RIF1: variants seen among roughly 807,000 people sequenced by gnomAD.
The protein encoded by RIF1 is replication timing regulatory factor 1.
A neutral mutation model predicts 247.1 loss-of-function variants in RIF1; 45 were observed. That is an observed-to-expected ratio of 0.18 (90% CI 0.14 to 0.23). The LOEUF (loss-of-function observed/expected upper bound fraction) is 0.23, where lower values mean the gene tolerates loss of function less well. Ranked by LOEUF, RIF1 falls within the 10% of genes least tolerant of loss-of-function variation. RIF1 has a pLI of 1.00. For synonymous variants in RIF1, 1,087 were observed against 978.8 expected (o/e 1.11, Z -2.06); for missense variants, 2,967 against 2,862.5 (o/e 1.04, Z -0.83).
At chr2:151,436,231 A>C (rs1243595544) in intron 11 of RIF1, among the ~76,000 whole-genome samples, 1 of 151,984 alleles carries the variant, frequency 6.6e-6, no homozygotes, top group Non-Finnish European at 1.5e-5. Context: ...GTCTCAAAAA[A>C]AACAAAATAA....
At chr2:151,410,864 G>GCGT (rs1686051855) in intron 2 of RIF1, among the ~76,000 whole-genome samples, 1 of 86,266 alleles carries the variant, frequency 1.2e-5, no homozygotes, top group African/African-American at 3.8e-5. Flanking sequence ...TGGCTACCCA[G>GCGT]AGTTTTTTTA....
At chr2:151,515,265 C>T in the RIF1 span, among the ~76,000 whole-genome samples, 1 of 152,192 alleles carries the variant, frequency 6.6e-6, no homozygotes, top group African/African-American at 2.4e-5. Flanking sequence ...CCACACCTTT[C>T]TTAAGGTGAC....
chr2:151,485,891 C>G (rs993833092), downstream of RIF1: 2 of 1,613,956 alleles, frequency 1.2e-6, no homozygotes, highest in African/African-American at 1.3e-5. Flanking sequence ...GACACCTCAT[C>G]TGCATCAGCA....
In RIF1 at chr2:151,454,943, G is replaced by A. The variant is rs770036387; in HGVS notation, c.2393G>A (p.Gly798Glu). The A allele has an allele frequency of 6.2e-7, 1 of 1,612,398 alleles. No homozygotes were observed. The highest frequency in any genetic ancestry group is 2.2e-5 in the East Asian group (1 of 44,798). Reference sequence around the variant, plus strand: ...TCCAAAAAGAAGAATGAGCCCCTAGGGAAATTGACTTCTTTATTTAAACTT... The same window carrying A: ...TCCAAAAAGAAGAATGAGCCCCTAGAGAAATTGACTTCTTTATTTAAACTT... ...DWSKKKNEPL[G>E]KLTSLFKLIV... The change falls in exon 22 of 36, where the codon GGG (glycine) becomes GAG (glutamate). Residue 798 changes from glycine (G) to glutamate (E), a missense_variant. Gly to Glu is a moderately conservative substitution (Grantham distance 98). Around this residue, in one of 7 missense-constraint regions of RIF1, gnomAD observed 2,028 missense variants for 1,825.6 expected, o/e 1.11. Coordinates refer to ENST00000444746, the MANE Select transcript of RIF1 (RefSeq NM_018151.5).
chr2:151,469,327 A>G (rs1387573551), intron 33 of RIF1, among the ~76,000 whole-genome samples: 2 of 152,194 alleles, frequency 1.3e-5, no homozygotes, highest in Non-Finnish European at 2.9e-5. Context: ...CTGTCGTAGC[A>G]TAATCCCCAA....
At position 151,441,900 on chromosome 2, in the gene RIF1, CA is replaced by C; in HGVS notation, c.1648-4del. Reference sequence around the variant, plus strand: ...ATTTACTGTAAAACCTTTTATCTCTCATAGGTCCTCATGGAAATTACAATTA... The same window carrying C: ...ATTTACTGTAAAACCTTTTATCTCTCTAGGTCCTCATGGAAATTACAATTA... On this transcript the variant is annotated splice_polypyrimidine_tract_variant and splice_region_variant and intron_variant, in intron 15 of 35. Transcript: ENST00000444746. 1 of 1,438,696 alleles carries C rather than the reference CA, an allele frequency of 7.0e-7. No individual in the cohort carries two copies. Among genetic ancestry groups the C allele is most frequent in the Non-Finnish European group, 9.6e-7 (1 of 1,036,828 alleles). 89.1% of individuals were successfully genotyped at this position (1,438,696 alleles called of 1,614,324 possible).
At position 151,478,601 on chromosome 2, in the gene RIF1, G is replaced by GT. The variant is rs1024889325; in HGVS notation, c.*3531dup. The GT allele has an allele frequency of 1.3e-5, 2 of 152,080 alleles. No homozygotes were observed. Among genetic ancestry groups the GT allele is most frequent in the Admixed American group, 6.6e-5 (1 of 15,264 alleles). 9.4% of individuals were successfully genotyped at this position (152,080 alleles called of 1,614,324 possible). ...ATCATAAAAATGTGAAGAGTAAGTGGTGAGGCAAGAAACAAAATTGGGGGA... is the reference window on the plus strand; with the variant it reads ...ATCATAAAAATGTGAAGAGTAAGTGGTTGAGGCAAGAAACAAAATTGGGGGA... On this transcript the variant is annotated 3_prime_UTR_variant, in exon 36 of 36. Transcript: ENST00000444746.
chr2:151,455,466 C>G (rs1695029409), intron 22 of RIF1, among the ~76,000 whole-genome samples: 3 of 152,110 alleles, frequency 2.0e-5, no homozygotes, highest in Non-Finnish European at 2.9e-5. Flanking sequence ...ACTTGGCATG[C>G]TGTTTTGCAA....
chr2:151,490,733 G>A (rs2055795597), intron 9 of RIF1, among the ~76,000 whole-genome samples: 1 of 152,206 alleles, frequency 6.6e-6, no homozygotes, highest in South Asian at 2.1e-4. Context: ...TCATGGAACA[G>A]TTAAGTTGTA....
chr2:151,504,680 A>G (rs1311690808), intron 12 of RIF1, among the ~76,000 whole-genome samples: 1 of 152,228 alleles, frequency 6.6e-6, no homozygotes, highest in African/African-American at 2.4e-5. Flanking sequence ...CTATTTCCCA[A>G]ACTTCACATA....
At chr2:151,516,256 G>A in the RIF1 span, among the ~76,000 whole-genome samples, 1 of 152,066 alleles carries the variant, frequency 6.6e-6, no homozygotes, top group Non-Finnish European at 1.5e-5. Flanking sequence ...TAAGACATAT[G>A]GTAAATATTT....
chr2:151,440,053 G>T lies in RIF1; in HGVS notation c.1573G>T (p.Glu525Ter), dbSNP rs1195485695. The change falls in exon 15 of 36, where the codon GAA (glutamate) becomes TAA (stop). Residue 525 changes from glutamate (E) to a stop codon, truncating the protein, a stop_gained. Coordinates refer to ENST00000444746, the MANE Select transcript of RIF1 (RefSeq NM_018151.5). LOFTEE classifies it high-confidence loss of function. Reference sequence around the variant, plus strand: ...TAACAAAAAAGAGAAACCAGGTTCTGAAGTTTTGACTCTCTTATTAAAGTC... The same window carrying T: ...TAACAAAAAAGAGAAACCAGGTTCTTAAGTTTTGACTCTCTTATTAAAGTC... ...SGNKKEKPGS[E>*]VLTLLLKSLE... is the part of the protein sequence containing the mutation. 1 of 1,581,868 alleles carries T rather than the reference G, an allele frequency of 6.3e-7. No homozygotes were observed. Among genetic ancestry groups the T allele is most frequent in the African/African-American group, 1.4e-5 (1 of 73,256 alleles).
intron 11 of RIF1, among the ~76,000 whole-genome samples, chr2:151,436,048 AC>A (rs1482205932): frequency 6.6e-6 from 1 of 152,014 alleles, no homozygotes; most frequent in Non-Finnish European, 1.5e-5. Context: ...ACACGGTGAA[AC>A]CCAGTCTCTA....
chr2:151,420,767 A>G (rs1023271859), intron 7 of RIF1, among the ~76,000 whole-genome samples: 5 of 151,382 alleles, frequency 3.3e-5, no homozygotes, highest in African/African-American at 1.2e-4. Context: ...CTGTCTGGGC[A>G]TATTGGTATA....
chr2:151,425,881 G>T (rs1688982300), intron 8 of RIF1, among the ~76,000 whole-genome samples: 1 of 151,066 alleles, frequency 6.6e-6, no homozygotes, highest in Non-Finnish European at 1.5e-5. Context: ...GTTTTACCAC[G>T]TTGGCCAGGC....
chr2:151,490,834 A>G (rs1233205851), intron 9 of RIF1, among the ~76,000 whole-genome samples: 1 of 152,170 alleles, frequency 6.6e-6, no homozygotes, highest in African/African-American at 2.4e-5. Flanking sequence ...AAATAGTAAT[A>G]TTCACATTCA....
rs2048897193 is a variant in RIF1, at chr2:151,475,760, T to C, written c.*689T>C. 6.5e-6 allele frequency: 1 copy of C among 152,834 alleles called. No homozygotes were observed. Among genetic ancestry groups the C allele is most frequent in the South Asian group, 2.1e-4 (1 of 4,844 alleles). 9.5% of individuals were successfully genotyped at this position (152,834 alleles called of 1,614,324 possible). ...CGTATAGTATTCATTTTTAAATGCA[T>C]GATTGTACATTATGTATAGACGACA... On this transcript the variant is annotated 3_prime_UTR_variant, in exon 36 of 36. Coordinates refer to ENST00000444746, the MANE Select transcript of RIF1 (RefSeq NM_018151.5).
chr2:151,497,032 A>G, intron 10 of RIF1: 1 of 1,566,428 alleles, frequency 6.4e-7, no homozygotes, highest in Non-Finnish European at 8.7e-7. Flanking sequence ...TTTGTATAAC[A>G]CCTGTGCGAT....
chr2:151,421,474 G>C (rs140162039), intron 7 of RIF1, among the ~76,000 whole-genome samples: 1 of 152,332 alleles, frequency 6.6e-6, no homozygotes, highest in Non-Finnish European at 1.5e-5. Context: ...GAGTGAATGA[G>C]AGTGAGAGGA....
Sources: gnomAD v4.1 joint callset for allele counts (sites outside exome capture counted in the v4.1 genomes callset) on GRCh38, gnomAD v4.1.1 for gene constraint, gnomAD v4.1.1 regional missense constraint, MANE v1.5 for transcripts, NCBI Gene and HGNC (gene_info 2026-07-23, HGNC 2026-07-21) for gene names.